PRKD3: variants seen among roughly 807,000 people sequenced by gnomAD.
PRKD3 encodes the protein serine/threonine-protein kinase D3.
PRKD3 carries 47 observed loss-of-function variants against 99.2 expected under a neutral mutation model. The observed-to-expected ratio is 0.47, with a 90% CI of 0.38 to 0.60. PRKD3 has a LOEUF of 0.60. Ranked by LOEUF, PRKD3 falls within the 20% of genes least tolerant of loss-of-function variation. The pLI, the probability that PRKD3 is intolerant of heterozygous loss-of-function variation, is 0.00. For missense variants in PRKD3, 1,019 were observed against 1,088.4 expected (o/e 0.94, Z 0.90); for synonymous variants, 392 against 355.4 (o/e 1.10, Z -1.16).
chr2:37,301,448 T>G (rs1482506862), intron 2 of PRKD3, among the ~76,000 whole-genome samples: 1 of 152,268 alleles, frequency 6.6e-6, no homozygotes, highest in South Asian at 2.1e-4. Context: ...GATTACATTT[T>G]TTTTTTTTGA....
intron 18 of PRKD3, 23 bp from the exon 19 acceptor site, chr2:37,253,373 T>C (rs1401430380): frequency 3.2e-6 from 5 of 1,577,126 alleles, no homozygotes; most frequent in African/African-American, 1.4e-5. Context: ...GAAATTGTAA[T>C]GATGAAACAA....
rs200649275 is a variant in PRKD3, at chr2:37,267,452, C to T, written c.1862G>A (p.Arg621His). The change falls in exon 14 of 19, where the codon CGT (arginine) becomes CAT (histidine). Residue 621 changes from arginine to histidine, a missense_variant. Arg to His is a conservative substitution (Grantham distance 29). Coordinates refer to ENST00000234179, the MANE Select transcript of PRKD3 (RefSeq NM_005813.6). ...TACCTGTAAAATAGCCACTTCATTACGGAGTTGACTTTCTTGTTTTGTGGG... is the reference window on the plus strand; with the variant it reads ...TACCTGTAAAATAGCCACTTCATTATGGAGTTGACTTTCTTGTTTTGTGGG... ...RFPTKQESQL[R>H]NEVAILQNLH... 13 of 1,603,964 alleles carry T rather than the reference C, an allele frequency of 8.1e-6. No homozygotes were observed. The highest frequency in any genetic ancestry group is 5.4e-5 in the African/African-American group (4 of 74,572).
intron 7 of PRKD3, among the ~76,000 whole-genome samples, chr2:37,280,857 T>C (rs1161677454): frequency 6.6e-6 from 1 of 152,218 alleles, no homozygotes; most frequent in Non-Finnish European, 1.5e-5. Flanking sequence ...GCAAATCATA[T>C]GCCAGATAAG....
rs1435413708 is a variant in PRKD3 at position 37,254,211 on chromosome 2, C to A, written c.2492G>T (p.Trp831Leu). The A allele has an allele frequency of 6.2e-7, 1 of 1,608,934 alleles. No homozygotes were observed. Among genetic ancestry groups the A allele is most frequent in the Admixed American group, 1.7e-5 (1 of 60,004 alleles). The change falls in exon 18 of 19, where the codon TGG (tryptophan) becomes TTG (leucine). Residue 831 changes from tryptophan to leucine, a missense_variant. Trp to Leu is a moderately conservative substitution (Grantham distance 61, BLOSUM62 -2). Around this residue, in one of 3 missense-constraint regions of PRKD3, gnomAD observed 125 missense variants for 120.6 expected, o/e 1.04. Transcript: ENST00000234179. ...YSVDKSLSHP[W>L]LQDYQTWLDL... ...GATTACATTTTTTTTTACCTGTAGC[C>A]AGGGATGACTAAGAGATTTGTCAAC...
In PRKD3 at chr2:37,260,329, C is replaced by T; in HGVS notation, c.1940G>A (p.Arg647Gln). ...CAGCTTTTCCATTACTACAAAGACTCGTTCTGGGGTTTCAAACATACATTC... is the reference window on the plus strand; with the variant it reads ...CAGCTTTTCCATTACTACAAAGACTTGTTCTGGGGTTTCAAACATACATTC... ...NLECMFETPE[R>Q]VFVVMEKLHG... The change falls in exon 15 of 19, where the codon CGA becomes CAA. Residue 647 changes from arginine to glutamine, a missense_variant. Physicochemically the swap from Arg to Gln is conservative, Grantham distance 43. Coordinates refer to ENST00000234179, the MANE Select transcript of PRKD3 (RefSeq NM_005813.6). 1.2e-6 allele frequency: 2 copies of T among 1,609,944 alleles called. No homozygotes were observed. Among genetic ancestry groups the T allele is most frequent in the Non-Finnish European group, 1.7e-6 (2 of 1,176,328 alleles).
rs1672054867 is a variant in PRKD3, at chr2:37,324,789, G to C, written c.-764C>G. 1 of 150,766 alleles carries C rather than the reference G, an allele frequency of 6.6e-6. No homozygotes were observed. The highest frequency in any genetic ancestry group is 2.4e-5 in the African/African-American group (1 of 41,250). 9.3% of individuals were successfully genotyped at this position (150,766 alleles called of 1,614,324 possible). A position where few individuals can be genotyped will look rare whatever the true frequency, so the allele number is the denominator to read the frequency against. ...TCGCAGGATCCCGCCCGCCTCCGGC[G>C]CCCCTTCCTCCCTCCCTCCCCGTCC... On this transcript the variant is annotated 5_prime_UTR_variant, in exon 1 of 19. Transcript: ENST00000234179.
intron 1 of PRKD3, among the ~76,000 whole-genome samples, chr2:37,319,125 T>C (rs1671775005): frequency 6.6e-6 from 1 of 152,108 alleles, no homozygotes; most frequent in Non-Finnish European, 1.5e-5. Flanking sequence ...AGCAACTCAT[T>C]ATATGGTTGA....
chr2:37,269,325 C>A, intron 13 of PRKD3: 1 of 370,146 alleles, frequency 2.7e-6, no homozygotes, highest in Non-Finnish European at 5.1e-6. Flanking sequence ...ACATAAACTT[C>A]AAACCATCTC....
In PRKD3 at chr2:37,316,696, G is replaced by C. The variant is rs1447694528; in HGVS notation, c.-172C>G. The C allele has an allele frequency of 9.1e-6, 13 of 1,429,720 alleles. No individual in the cohort carries two copies. In the Middle Eastern group the frequency reaches 7.7e-4, roughly 85 times the overall value. 88.6% of individuals were successfully genotyped at this position (1,429,720 alleles called of 1,614,324 possible). On this transcript the variant is annotated 5_prime_UTR_variant, in exon 2 of 19. Transcript: ENST00000234179. ...CGATACTTTTAAGTTTTATCAAGGAGTTGAATGCCCCAAAGGTCCTATTTC... is the reference window on the plus strand; with the variant it reads ...CGATACTTTTAAGTTTTATCAAGGACTTGAATGCCCCAAAGGTCCTATTTC...
At chr2:37,311,102 T>C (rs1671405757) in intron 2 of PRKD3, among the ~76,000 whole-genome samples, 1 of 152,184 alleles carries the variant, frequency 6.6e-6, no homozygotes, top group African/African-American at 2.4e-5. Flanking sequence ...ATCTGCTGTC[T>C]CACAGACTAG....
intron 1 of PRKD3, chr2:37,324,158 G>A (rs955265822): frequency 1.6e-4 from 160 of 984,854 alleles, no homozygotes; most frequent in Non-Finnish European, 1.8e-4. Context: ...TCGGGATACT[G>A]GGGCGAGGGG....
chr2:37,324,114 G>A (rs1312144480), intron 1 of PRKD3: 4 of 942,640 alleles, frequency 4.2e-6, no homozygotes, highest in Middle Eastern at 5.4e-4. Context: ...GGAGCAACTC[G>A]GAACAATGCT....
chr2:37,257,690 AAAAAGTT>A (rs1668087393), intron 16 of PRKD3, among the ~76,000 whole-genome samples: 1 of 149,680 alleles, frequency 6.7e-6, no homozygotes, highest in Non-Finnish European at 1.5e-5. Flanking sequence ...AAAAAAAAAA[AAAAAGTT>A]ACAGTATTTA....
intron 14 of PRKD3, among the ~76,000 whole-genome samples, chr2:37,267,081 T>C (rs1253853636): frequency 6.6e-6 from 1 of 152,162 alleles, no homozygotes; most frequent in Non-Finnish European, 1.5e-5. Flanking sequence ...AAAAGGTACA[T>C]AATTTTAAAG....
rs1352741848 is a variant in PRKD3 at position 37,251,618 on chromosome 2, T to TC, written c.*1558_*1559insG. On this transcript the variant is annotated 3_prime_UTR_variant, in exon 19 of 19. Coordinates refer to ENST00000234179, the MANE Select transcript of PRKD3 (RefSeq NM_005813.6). ...GTCTGTTCATGTACCAGAACATTCT[T>TC]TTTTTTTTTTGCTACCTCAAATTCG... The TC allele has an allele frequency of 1.3e-5, 2 of 148,748 alleles. No homozygotes were observed. Among genetic ancestry groups the TC allele is most frequent in the African/African-American group, 4.9e-5 (2 of 40,888 alleles). The allele number at this position is 148,748 out of a possible 1,614,324, so 9.2% of individuals were successfully genotyped here. A position where few individuals can be genotyped will look rare whatever the true frequency, so the allele number is the denominator to read the frequency against.
chr2:37,322,483 T>C (rs907064944), intron 1 of PRKD3, among the ~76,000 whole-genome samples: 2 of 152,200 alleles, frequency 1.3e-5, no homozygotes, highest in African/African-American at 4.8e-5. Context: ...GCACACCATA[T>C]CTGCTCTGCT....
Position 37,266,703 on chromosome 2 carries a change from G to C in PRKD3, c.1884+727C>G, listed in dbSNP as rs144763560. Among the ~76,000 whole-genome samples the C allele has an allele frequency of 3.2e-3, 487 of 152,192 alleles. 9 individuals carry two copies. Among genetic ancestry groups the C allele is most frequent in the Middle Eastern group, 0.017 (5 of 294 alleles). On this transcript the variant is annotated intron_variant, in intron 14 of 18. Transcript: ENST00000234179. ...GGGTCTCACCATGTTAGTCAGGCTG[G>C]TCCCGAACTCCTAACCTCAGGTGAT... is the stretch of plus-strand genomic sequence containing the variant.
chr2:37,285,858 A>G (rs1670068857), intron 6 of PRKD3, among the ~76,000 whole-genome samples: 1 of 152,130 alleles, frequency 6.6e-6, no homozygotes, highest in African/African-American at 2.4e-5. Flanking sequence ...TCCTATTACT[A>G]TTAGTAGTTA....
At position 37,256,689 on chromosome 2, in the gene PRKD3, T is replaced by C. The variant is rs771251155; in HGVS notation, c.2386A>G (p.Asn796Asp). ...IQNAAFMYPPNPWREISGEAI... is the reference protein window; with the variant it reads ...IQNAAFMYPPDPWREISGEAI... ...TCACCAGAAATTTCTCTCCATGGAT[T>C]TGGTGGGTACATAAATGCAGCATTT... is the stretch of plus-strand genomic sequence containing the variant. The change falls in exon 17 of 19, where the codon AAT becomes GAT. Residue 796 changes from asparagine (N) to aspartate (D), a missense_variant. Coordinates refer to ENST00000234179, the MANE Select transcript of PRKD3 (RefSeq NM_005813.6). 6.3e-7 allele frequency: 1 copy of C among 1,591,300 alleles called. No individual in the cohort carries two copies. Among genetic ancestry groups the C allele is most frequent in the South Asian group, 1.1e-5 (1 of 88,538 alleles).
Sources: gnomAD v4.1 joint callset for allele counts (sites outside exome capture counted in the v4.1 genomes callset) on GRCh38, gnomAD v4.1.1 for gene constraint, gnomAD v4.1.1 regional missense constraint, MANE v1.5 for transcripts, NCBI Gene and HGNC (gene_info 2026-07-23, HGNC 2026-07-21) for gene names.